The following ARL14EPL variants were observed in gnomAD, a reference collection of about 807,000 sequenced individuals.
ARL14EPL encodes the protein ARF like GTPase 14 effector protein like, also known as ARL14 effector protein-like.
In ARL14EPL, 17 loss-of-function variants were observed where a neutral mutation model predicts 15.9. The ratio of observed to expected loss-of-function variants is 1.07; its 90% CI spans 0.73 to 1.60. ARL14EPL has a LOEUF of 1.60. ARL14EPL is among the 40% of genes most tolerant of loss of function. The pLI, the probability that ARL14EPL is intolerant of heterozygous loss-of-function variation, is 0.00. For missense variants in ARL14EPL, 214 were observed against 185.9 expected (o/e 1.15, Z -0.88); for synonymous variants, 78 against 63.8 (o/e 1.22, Z -1.06).
chr5:116,057,426 A>G (rs969710185), intron 3 of ARL14EPL, among the ~76,000 whole-genome samples: 15 of 151,904 alleles, frequency 9.9e-5, no homozygotes, highest in African/African-American at 3.4e-4. Flanking sequence ...TTTACCAAAA[A>G]AAAAAGCATC....
intron 1 of ARL14EPL, among the ~76,000 whole-genome samples, chr5:116,037,625 G>A (rs1749071375): frequency 6.6e-6 from 1 of 152,172 alleles, no homozygotes; most frequent in African/African-American, 2.4e-5. Flanking sequence ...TAGGGGTTTT[G>A]TGCCATCTGC....
At chr5:116,056,044 T>C (rs1228568952) in intron 3 of ARL14EPL, among the ~76,000 whole-genome samples, 3 of 152,200 alleles carry the variant, frequency 2.0e-5, no homozygotes, top group Admixed American at 2.0e-4. Context: ...ATCCAGTCTA[T>C]CATTGTTGGA....
At chr5:116,032,882 C>T (rs2662451) in intron 1 of ARL14EPL, among the ~76,000 whole-genome samples, 48,499 of 151,916 alleles carry the variant, frequency 0.32, 8,327 homozygotes, top group East Asian at 0.44. Context: ...GCCGCAGCCT[C>T]GACTTCCTGG....
At chr5:116,054,240 TTA>T (rs1235375173) in intron 3 of ARL14EPL, 87 bp downstream of exon 3, 39 of 1,300,538 alleles carry the variant, frequency 3.0e-5, no homozygotes, top group Non-Finnish European at 3.9e-5. Flanking sequence ...TTCCCTCTTT[TTA>T]TTATTTATTA....
At chr5:116,052,325 A>C (rs2662471) in intron 2 of ARL14EPL, 779,033 of 983,518 alleles carry the variant, frequency 0.79, 311,881 homozygotes, top group Non-Finnish European at 0.83. Flanking sequence ...GCAGCCTTGC[A>C]AAGATGTCGG....
chr5:116,035,184 A>T lies in ARL14EPL; in HGVS notation c.-10+2679A>T, dbSNP rs527503925. On this transcript the variant is annotated intron_variant, in intron 1 of 3. Transcript: ENST00000686077. Reference sequence around the variant, plus strand: ...GCCTTAGAAGTTTTCTGGTTCTCTGACCATGTCTCAAGCTGGTCATTTTCA... The same window carrying T: ...GCCTTAGAAGTTTTCTGGTTCTCTGTCCATGTCTCAAGCTGGTCATTTTCA... Among the ~76,000 whole-genome samples the T allele has an allele frequency of 1.6e-3, 242 of 152,300 alleles. 1 individual carries two copies. Among genetic ancestry groups the T allele is most frequent in the African/African-American group, 4.4e-3 (181 of 41,566 alleles).
rs193029726 is a variant in ARL14EPL at position 116,051,471 on chromosome 5, T to A, written c.6T>A (p.Asn2Lys). 4.2e-5 allele frequency: 64 copies of A among 1,532,002 alleles called. No individual in the cohort carries two copies. The highest frequency in any genetic ancestry group is 1.2e-4 in the Admixed American group (6 of 50,926). The allele number at this position is 1,532,002 out of a possible 1,614,324, so 94.9% of individuals were successfully genotyped here. M[N>K]EQSEKNNSIQ... ...TACTTTTTAAGTGATCAGAGATGAA[T>A]GAACAATCAGAGAAAAACAATTCCA... The change falls in exon 2 of 4, where the codon AAT becomes AAA. Residue 2 changes from asparagine to lysine, a missense_variant. By Grantham distance (94) the Asn-to-Lys change is moderately conservative. Coordinates refer to ENST00000686077, the MANE Select transcript of ARL14EPL (RefSeq NM_001195581.2).
At position 116,059,101 on chromosome 5, in the gene ARL14EPL, T is replaced by C; in HGVS notation, c.*154T>C. On this transcript the variant is annotated 3_prime_UTR_variant, in exon 4 of 4. Transcript: ENST00000686077. ...CCCCAGAACAATGTAGAATGGGCAA[T>C]AATTCTGTAACCTTCTTAACTGTGT... 1 of 686,156 alleles carries C rather than the reference T, an allele frequency of 1.5e-6. No homozygotes were observed. The highest frequency in any genetic ancestry group is 1.8e-5 in the African/African-American group (1 of 55,700). 42.5% of individuals were successfully genotyped at this position (686,156 alleles called of 1,614,324 possible).
chr5:116,033,251 A>G (rs908798479), intron 1 of ARL14EPL, among the ~76,000 whole-genome samples: 18 of 152,200 alleles, frequency 1.2e-4, no homozygotes, highest in Admixed American at 9.2e-4. Context: ...TGCAAAAGTG[A>G]TACAAATTCA....
intron 1 of ARL14EPL, among the ~76,000 whole-genome samples, chr5:116,035,030 G>A (rs920526992): frequency 1.9e-4 from 29 of 152,262 alleles, no homozygotes; most frequent in African/African-American, 6.7e-4. Flanking sequence ...CAAATCTCAG[G>A]ATCTCTCTCC....
chr5:116,043,960 T>C (rs866698400), intron 1 of ARL14EPL, among the ~76,000 whole-genome samples: 2 of 152,334 alleles, frequency 1.3e-5, no homozygotes, highest in Admixed American at 1.3e-4. Flanking sequence ...TAGGAAGTGA[T>C]TGACTGTGGA....
intron 1 of ARL14EPL, among the ~76,000 whole-genome samples, chr5:116,041,855 G>T (rs1348697335): frequency 6.6e-6 from 1 of 151,934 alleles, no homozygotes; most frequent in Non-Finnish European, 1.5e-5. Context: ...TTGAGACAGG[G>T]TTTCACTCTG....
chr5:116,034,654 C>G (rs987424545), intron 1 of ARL14EPL, among the ~76,000 whole-genome samples: 34 of 150,990 alleles, frequency 2.3e-4, no homozygotes, highest in African/African-American at 7.6e-4. Context: ...CAGGAAAATT[C>G]TTCTACCTGC....
intron 2 of ARL14EPL, chr5:116,052,085 A>G: frequency 6.2e-7 from 1 of 1,613,458 alleles, no homozygotes. Flanking sequence ...AGCTGGGGTT[A>G]TAAGTTTATA....
chr5:116,040,384 A>T (rs1749127134), intron 1 of ARL14EPL, among the ~76,000 whole-genome samples: 1 of 151,622 alleles, frequency 6.6e-6, no homozygotes, highest in Non-Finnish European at 1.5e-5. Context: ...ATTAATAGAA[A>T]TTATAGCCGT....
intron 3 of ARL14EPL, among the ~76,000 whole-genome samples, chr5:116,054,925 C>T (rs542356161): frequency 1.3e-5 from 2 of 151,162 alleles, no homozygotes; most frequent in African/African-American, 2.4e-5. Flanking sequence ...AATTAATATG[C>T]CCATTAAAAA....
Position 116,058,888 on chromosome 5 carries a change from G to T in ARL14EPL, c.400G>T (p.Ala134Ser), listed in dbSNP as rs1287859296. The change falls in exon 4 of 4, where the codon GCC becomes TCC. Residue 134 changes from alanine (A) to serine (S), a missense_variant. Coordinates refer to ENST00000686077, the MANE Select transcript of ARL14EPL (RefSeq NM_001195581.2). The stretch of plus-strand genomic sequence containing the variant: ...CTGCAACCGACGGTGGGTTTACGAT[G>T]CCATCGTCACTGAGTCAGGAGAGGT... The part of the protein sequence containing the change: ...CRCNRRWVYD[A>S]IVTESGEVIS... The T allele has an allele frequency of 6.5e-7, 1 of 1,535,986 alleles. No homozygotes were observed. Among genetic ancestry groups the T allele is most frequent in the South Asian group, 1.2e-5 (1 of 84,062 alleles).
chr5:116,038,508 G>A (rs1042195582), intron 1 of ARL14EPL, among the ~76,000 whole-genome samples: 5 of 152,270 alleles, frequency 3.3e-5, no homozygotes, highest in South Asian at 4.1e-4. Context: ...TGGGAAGGTA[G>A]AATTAGGTCA....
chr5:116,035,974 T>C (rs78347435), intron 1 of ARL14EPL, among the ~76,000 whole-genome samples: 5,531 of 152,306 alleles, frequency 0.036, 148 homozygotes, highest in Non-Finnish European at 0.058. Context: ...CTTCTTTCTC[T>C]TCCAACCTTC....
Sources: gnomAD v4.1 joint callset for allele counts (sites outside exome capture counted in the v4.1 genomes callset) on GRCh38, gnomAD v4.1.1 for gene constraint, MANE v1.5 for transcripts, NCBI Gene and HGNC (gene_info 2026-07-23, HGNC 2026-07-21) for gene names.